The following MAML3 variants were observed in gnomAD, a reference collection of about 807,000 sequenced individuals.
MAML3 encodes the protein mastermind like transcriptional coactivator 3, also known as mastermind-like protein 3.
Under a neutral mutation model 101.9 loss-of-function variants are expected in MAML3, and 27 were observed. The ratio of observed to expected loss-of-function variants is 0.27; its 90% CI spans 0.20 to 0.37. The LOEUF (loss-of-function observed/expected upper bound fraction) is 0.37. Among genes scored for constraint, MAML3 ranks in the 10% least tolerant of loss-of-function variants. The pLI, the probability that MAML3 is intolerant of heterozygous loss-of-function variation, is 1.00. For synonymous variants in MAML3, 501 were observed against 555.9 expected (o/e 0.90, Z 1.39); for missense variants, 1,316 against 1,444.9 (o/e 0.91, Z 1.45).
chr4:140,037,092 C>A (rs7682787), intron 1 of MAML3, among the ~76,000 whole-genome samples: 3,011 of 152,168 alleles, frequency 0.02, 72 homozygotes, highest in African/African-American at 0.068. Context: ...TCACTGGTAT[C>A]TTTTAGTCCA....
At chr4:139,859,245 G>A (rs1283667668) in intron 2 of MAML3, among the ~76,000 whole-genome samples, 1 of 102,086 alleles carries the variant, frequency 9.8e-6, no homozygotes, top group Non-Finnish European at 2.1e-5. Flanking sequence ...TTTTTTTTTT[G>A]AGACAGGGTC....
chr4:139,953,340 A>G (rs1452322624), intron 1 of MAML3, among the ~76,000 whole-genome samples: 1 of 152,202 alleles, frequency 6.6e-6, no homozygotes, highest in Non-Finnish European at 1.5e-5. Context: ...ACATTTAATG[A>G]AACAACTTTG....
rs941434289 is a variant in MAML3, at chr4:139,944,927, G to C, written c.469-53960C>G. 1.9e-4 allele frequency among the ~76,000 whole-genome samples: 28 copies of C among 150,084 alleles called. No individual in the cohort carries two copies. The Admixed American group carries it at 1.9e-3, about 10-fold the overall frequency. ...GGATCTAGAACTGGAAATACCATTTGACCCAGCCATCCCATTACTGGGTAT... is the reference window on the plus strand; with the variant it reads ...GGATCTAGAACTGGAAATACCATTTCACCCAGCCATCCCATTACTGGGTAT... On this transcript the variant is annotated intron_variant, in intron 1 of 4. Transcript: ENST00000509479.
In MAML3 at chr4:139,719,815, A is replaced by G. The variant is rs1260813466; in HGVS notation, c.2925T>C (p.Thr975=). ...TGTTGAATGGTCCCAATTCTCCACT[A>G]GTCCTCCCAGGCATGCCCTGCAAGC... ...QRSLQGMPGR[T]SGELGPFNNG... Residue 975 remains threonine (T), a synonymous_variant, in exon 5 of 5, where the codon ACT becomes ACC. Transcript: ENST00000509479. The G allele has an allele frequency of 6.2e-7, 1 of 1,613,544 alleles. No individual in the cohort carries two copies. Among genetic ancestry groups the G allele is most frequent in the Non-Finnish European group, 8.5e-7 (1 of 1,179,890 alleles).
rs115605044 is a variant in MAML3, at chr4:139,886,718, T to A, written c.2079+2639A>T. On this transcript the variant is annotated intron_variant, in intron 2 of 4. Transcript: ENST00000509479. ...ACTATCATAAGTAACACCATGAGCA[T>A]AATCTTTGTTCAACCATCTGATCAA... Among the ~76,000 whole-genome samples, 346 of 152,302 alleles carry A rather than the reference T, an allele frequency of 2.3e-3. 3 individuals carry two copies. The highest frequency in any genetic ancestry group is 7.9e-3 in the African/African-American group (330 of 41,578).
intron 1 of MAML3, among the ~76,000 whole-genome samples, chr4:139,941,578 G>A (rs1361166283): frequency 6.6e-6 from 1 of 151,900 alleles, no homozygotes; most frequent in Non-Finnish European, 1.5e-5. Flanking sequence ...ATTGGTAGTG[G>A]ATTTTTTCAG....
chr4:139,825,853 A>T (rs1028192182), intron 2 of MAML3, among the ~76,000 whole-genome samples: 8 of 152,126 alleles, frequency 5.3e-5, no homozygotes, highest in Non-Finnish European at 8.8e-5. Context: ...AACAATAGAT[A>T]ACCAGTCAGA....
intron 1 of MAML3, among the ~76,000 whole-genome samples, chr4:140,124,700 T>TTGCAA (rs1560901102): frequency 1.3e-5 from 2 of 152,328 alleles, no homozygotes; most frequent in East Asian, 3.9e-4. Flanking sequence ...CCAGACCTAT[T>TTGCAA]TGCAATACTA....
chr4:139,776,493 A>T (rs143136232), intron 2 of MAML3, among the ~76,000 whole-genome samples: 1 of 152,210 alleles, frequency 6.6e-6, no homozygotes, highest in Non-Finnish European at 1.5e-5. Flanking sequence ...AGTGAAAAAT[A>T]ACAAAGCTCC....
chr4:139,885,960 A>AAG (rs1732330048), intron 2 of MAML3, among the ~76,000 whole-genome samples: 10 of 134,252 alleles, frequency 7.4e-5, no homozygotes, highest in Admixed American at 1.6e-4. Flanking sequence ...AAAAAAAAGA[A>AAG]AGAGAAAAAA....
chr4:140,153,483 G>C lies in MAML3; in HGVS notation c.-156C>G, dbSNP rs1297185049. 6 of 779,564 alleles carry C rather than the reference G, an allele frequency of 7.7e-6. No individual in the cohort carries two copies. Among genetic ancestry groups the C allele is most frequent in the Non-Finnish European group, 9.2e-6 (5 of 543,338 alleles). 48.3% of individuals were successfully genotyped at this position (779,564 alleles called of 1,614,324 possible). A position where few individuals can be genotyped will look rare whatever the true frequency, so the allele number is the denominator to read the frequency against. ...GCGATCCCGACGGGGCGAAAAAAAC[G>C]GGGGGGGAGATTTTGGGGTGGTTTT... On this transcript the variant is annotated 5_prime_UTR_variant, in exon 1 of 5. Transcript: ENST00000509479.
chr4:140,038,910 C>T (rs142853727), intron 1 of MAML3, among the ~76,000 whole-genome samples: 123 of 152,144 alleles, frequency 8.1e-4, no homozygotes, highest in Non-Finnish European at 1.4e-3. Context: ...GTGGGCAGAT[C>T]ACGAGGTCAG....
chr4:140,050,024 T>C (rs1341652546), intron 1 of MAML3, among the ~76,000 whole-genome samples: 1 of 152,208 alleles, frequency 6.6e-6, no homozygotes, highest in East Asian at 1.9e-4. Flanking sequence ...AAGATTTTTT[T>C]TTCCTTTGCC....
At chr4:139,776,575 G>A (rs1730101032) in intron 2 of MAML3, among the ~76,000 whole-genome samples, 1 of 152,184 alleles carries the variant, frequency 6.6e-6, no homozygotes, top group Non-Finnish European at 1.5e-5. Context: ...GTAGACTGAG[G>A]CTTTCCCTGA....
At chr4:139,972,855 A>AGGCACACATTTACCTATG in intron 1 of MAML3, among the ~76,000 whole-genome samples, 1 of 152,252 alleles carries the variant, frequency 6.6e-6, no homozygotes, top group Non-Finnish European at 1.5e-5. Flanking sequence ...GAGCAAAACA[A>AGGCACACATTTACCTATG]TAACAATCAT....
At chr4:140,079,228 G>C (rs1231423366) in intron 1 of MAML3, among the ~76,000 whole-genome samples, 1 of 152,096 alleles carries the variant, frequency 6.6e-6, no homozygotes, top group East Asian at 1.9e-4. Flanking sequence ...TTAGATTTGT[G>C]AATGAACATC....
intron 2 of MAML3, among the ~76,000 whole-genome samples, chr4:139,807,540 G>A (rs1730722522): frequency 6.6e-6 from 1 of 152,188 alleles, no homozygotes; most frequent in East Asian, 1.9e-4. Context: ...GCAGATGGGA[G>A]AAAGATCAAA....
intron 2 of MAML3, among the ~76,000 whole-genome samples, chr4:139,748,581 C>T (rs544083333): frequency 3.3e-5 from 5 of 152,302 alleles, no homozygotes; most frequent in Admixed American, 3.3e-4. Context: ...CAAGAACAGA[C>T]CCTGGCTGGG....
At position 139,725,811 on chromosome 4, in the gene MAML3, G is replaced by T. The variant is rs374629744; in HGVS notation, c.2356C>A (p.Arg786=). The T allele has an allele frequency of 6.2e-7, 1 of 1,613,910 alleles. No individual in the cohort carries two copies. Among genetic ancestry groups the T allele is most frequent in the Middle Eastern group, 1.6e-4 (1 of 6,062 alleles). The change falls in exon 4 of 5, where the codon CGG becomes AGG. Residue 786 remains arginine (R), a synonymous_variant. Transcript: ENST00000509479. ...EQQLQQSHLP[R]QHLQPQRNPY... ...TTCCGCTGTGGCTGGAGGTGCTGCC[G>T]GGGTAGATGTGATTGCTGCAACTGC...
Sources: gnomAD v4.1 joint callset for allele counts (sites outside exome capture counted in the v4.1 genomes callset) on GRCh38, gnomAD v4.1.1 for gene constraint, MANE v1.5 for transcripts, NCBI Gene and HGNC (gene_info 2026-07-23, HGNC 2026-07-21) for gene names.